Variants in NEB observed in about 807,000 individuals in gnomAD.
NEB encodes nebulin, also known as nemaline myopathy type 2.
In NEB, 512 loss-of-function variants were observed where a neutral mutation model predicts 952.2. The observed-to-expected ratio is 0.54, with a 90% CI of 0.50 to 0.58. The LOEUF is 0.58. Ranked by LOEUF, NEB falls within the 20% of genes least tolerant of loss-of-function variation. The probability of loss-of-function intolerance (pLI) is 0.00; values close to 1 mark genes in which losing one functional copy is unlikely to be tolerated. For missense variants in NEB, 8,428 were observed against 9,231.1 expected (o/e 0.91, Z 3.56); for synonymous variants, 2,900 against 3,149.8 (o/e 0.92, Z 2.66).
chr2:151,665,952 G>T, intron 41 of NEB, 138 bp downstream of exon 41: 1 of 864,202 alleles, frequency 1.2e-6, no homozygotes, highest in Non-Finnish European at 1.7e-6. Flanking sequence ...GTTCAAATGA[G>T]TGAAATCCTA....
chr2:151,695,818 G>A lies in NEB; in HGVS notation c.1570-136C>T, dbSNP rs554593132. ...CATCTAGAGCTTGGGTAGGCCATCT[G>A]CATTACTGATCCTGTGTGCAGGACA... On this transcript the variant is annotated intron_variant, in intron 17 of 181. Transcript: ENST00000397345. 106 of 665,598 alleles carry A rather than the reference G, an allele frequency of 1.6e-4. No homozygotes were observed. The African/African-American group carries it at 1.7e-3, about 11-fold the overall frequency. 41.2% of individuals were successfully genotyped at this position (665,598 alleles called of 1,614,324 possible).
chr2:151,655,053 C>A (rs555373555), intron 51 of NEB, among the ~76,000 whole-genome samples: 138 of 152,180 alleles, frequency 9.1e-4, no homozygotes, highest in Non-Finnish European at 1.4e-3. Context: ...ACAATGAACA[C>A]AGAGATAAAC....
At chr2:151,494,304 T>A in intron 173 of NEB, 51 bp from the exon 174 acceptor site, 1 of 1,278,922 alleles carries the variant, frequency 7.8e-7, no homozygotes, top group South Asian at 1.3e-5. Context: ...GAGTTAACAG[T>A]TACCAAAAAA....
Position 151,618,334 on chromosome 2 carries a change from T to A in NEB, c.11017A>T (p.Ser3673Cys). The change falls in exon 74 of 182, where the codon AGT becomes TGT. Residue 3673 changes from serine to cysteine, a missense_variant. Ser to Cys is a moderately radical substitution (Grantham distance 112, BLOSUM62 -1). This residue lies in a region of NEB where 1,772 missense variants were observed against 1,960.3 expected (regional missense o/e 0.90). Coordinates refer to ENST00000397345, the MANE Select transcript of NEB (RefSeq NM_001164508.2). ...RQRPETLKFTSITDTPEQVLA... is the reference protein window; with the variant it reads ...RQRPETLKFTCITDTPEQVLA... The stretch of plus-strand genomic sequence containing the variant: ...ACCTGCTCCGGAGTGTCCGTTATAC[T>A]GGTAAATTTCAGCGTTTCTGGACGC... 6.8e-6 allele frequency: 11 copies of A among 1,614,006 alleles called. No individual in the cohort carries two copies. The highest frequency in any genetic ancestry group is 9.3e-6 in the Non-Finnish European group (11 of 1,179,866).
rs147159176 is a variant in NEB, at chr2:151,563,872, C to T, written c.18530G>A (p.Arg6177His). ...CTTGGCTCCAACAATGGGAATGTAG[C>T]GCTCATCCAGGGTGTAGCCATAGGC... ...TKAYGYTLDE[R>H]YIPIVGAKHA... Residue 6177 changes from arginine to histidine, a missense_variant, in exon 118 of 182, where the codon CGC (arginine) becomes CAC (histidine). Physicochemically the swap from Arg to His is conservative, Grantham distance 29. Coordinates refer to ENST00000397345, the MANE Select transcript of NEB (RefSeq NM_001164508.2). The T allele has an allele frequency of 4.8e-4, 779 of 1,612,856 alleles. 9 individuals carry two copies. The East Asian group carries it at 0.015, about 30-fold the overall frequency.
chr2:151,686,787 T>C (rs2099504528), intron 27 of NEB, among the ~76,000 whole-genome samples: 1 of 152,188 alleles, frequency 6.6e-6, no homozygotes, highest in Non-Finnish European at 1.5e-5. Flanking sequence ...TTTGCAGTAG[T>C]AGATGTTTGT....
chr2:151,535,223 A>G (rs1236058341), intron 142 of NEB, among the ~76,000 whole-genome samples: 1 of 152,222 alleles, frequency 6.6e-6, no homozygotes, highest in African/African-American at 2.4e-5. Flanking sequence ...TAACAATGGC[A>G]ATATCTTTGA....
intron 111 of NEB, 64 bp downstream of exon 111, chr2:151,568,554 G>T: frequency 6.9e-7 from 1 of 1,453,500 alleles, no homozygotes; most frequent in Non-Finnish European, 9.6e-7. Context: ...AGTGTAAGTA[G>T]ATGGAAAAGC....
chr2:151,688,739 TAATA>T (rs1454763103), intron 24 of NEB, among the ~76,000 whole-genome samples: 1 of 152,142 alleles, frequency 6.6e-6, no homozygotes, highest in African/African-American at 2.4e-5. Context: ...CAACAATAAC[TAATA>T]AATAGAAAAA....
intron 119 of NEB, among the ~76,000 whole-genome samples, 176 bp downstream of exon 119, chr2:151,563,430 G>A (rs896269717): frequency 6.6e-6 from 1 of 152,150 alleles, no homozygotes; most frequent in Non-Finnish European, 1.5e-5. Context: ...CAGGGAGGAA[G>A]CACACAGCTA....
chr2:151,606,392 T>C (rs1400718043), intron 84 of NEB, among the ~76,000 whole-genome samples: 2 of 86,510 alleles, frequency 2.3e-5, no homozygotes, highest in Non-Finnish European at 3.0e-5. Context: ...TTCTACTTTG[T>C]AACAGCATCA....
At chr2:151,608,774 A>T (rs1242790591) in intron 81 of NEB, 98 bp from the exon 82 acceptor site, 2 of 98,092 alleles carry the variant, frequency 2.0e-5, no homozygotes, top group East Asian at 5.6e-4. Context: ...ATGGTGGCGC[A>T]TGCCTGTAAT....
chr2:151,694,191 G>T, intron 20 of NEB, 132 bp downstream of exon 20: 1 of 797,370 alleles, frequency 1.3e-6, no homozygotes, highest in Non-Finnish European at 2.0e-6. Context: ...TTAGCACCTG[G>T]GTGAAGCTTT....
chr2:151,615,980 C>A (rs777586506), intron 76 of NEB, 22 bp downstream of exon 76: 1 of 1,560,406 alleles, frequency 6.4e-7, no homozygotes, highest in Non-Finnish European at 8.8e-7. Context: ...TAAGAAATGG[C>A]TTTTCCAAAA....
intron 107 of NEB, among the ~76,000 whole-genome samples, chr2:151,574,060 G>A (rs1356387245): frequency 2.0e-5 from 3 of 151,988 alleles, no homozygotes; most frequent in African/African-American, 7.3e-5. Flanking sequence ...TGCTAGCTCC[G>A]CCTCCTGGGT....
rs1559158926 is a variant in NEB, at chr2:151,493,798, GTT to G, written c.24647_24648del (p.Lys8216ThrfsTer7). ...TPFTPEMERV[K>X]RNQENFSSVL... Reference sequence around the variant, plus strand: ...ACCGAGCTAAAGTTTTCTTGATTGCGTTTCACTCTTTCCATCTCAGGAGTAAA... The same window carrying G: ...ACCGAGCTAAAGTTTTCTTGATTGCGTCACTCTTTCCATCTCAGGAGTAAA... On this transcript the variant is annotated frameshift_variant, in exon 175 of 182. Transcript: ENST00000397345. LOFTEE classifies it high-confidence loss of function. 1.3e-6 allele frequency: 2 copies of G among 1,583,252 alleles called. No individual in the cohort carries two copies. Among genetic ancestry groups the G allele is most frequent in the Non-Finnish European group, 1.7e-6 (2 of 1,162,458 alleles).
At chr2:151,714,457 C>T (rs563892367) in intron 10 of NEB, among the ~76,000 whole-genome samples, 1 of 152,300 alleles carries the variant, frequency 6.6e-6, no homozygotes, top group Admixed American at 6.5e-5. Context: ...GATCCAAGTT[C>T]ATAGTCTTTC....
intron 52 of NEB, among the ~76,000 whole-genome samples, chr2:151,652,748 A>T (rs557730486): frequency 6.6e-6 from 1 of 152,336 alleles, no homozygotes; most frequent in Admixed American, 6.5e-5. Flanking sequence ...ATAGTGGGAA[A>T]GTTCACTTAT....
chr2:151,533,729 G>A (rs747055614), intron 142 of NEB, among the ~76,000 whole-genome samples, 183 bp from the exon 143 acceptor site: 4 of 152,176 alleles, frequency 2.6e-5, no homozygotes, highest in Non-Finnish European at 4.4e-5. Context: ...CAATGCTTGC[G>A]GTTGGCCATT....
Sources: gnomAD v4.1 joint callset for allele counts (sites outside exome capture counted in the v4.1 genomes callset) on GRCh38, gnomAD v4.1.1 for gene constraint, gnomAD v4.1.1 regional missense constraint, MANE v1.5 for transcripts, NCBI Gene and HGNC (gene_info 2026-07-23, HGNC 2026-07-21) for gene names.